MTBP: variants seen among roughly 807,000 people sequenced by gnomAD.
MTBP encodes MDM2 binding protein.
A neutral mutation model predicts 117.0 loss-of-function variants in MTBP; 101 were observed. That is an observed-to-expected ratio of 0.86 (90% confidence interval 0.73 to 1.02). MTBP has a LOEUF of 1.02. Among genes scored for constraint, MTBP ranks in the 50% least tolerant of loss-of-function variants. The pLI, the probability that MTBP is intolerant of heterozygous loss-of-function variation, is 0.00. For missense variants in MTBP, 970 were observed against 1,030.9 expected (o/e 0.94, Z 0.81); for synonymous variants, 350 against 351.5 (o/e 1.00, Z 0.05).
At position 120,509,941 on chromosome 8, in the gene MTBP, A is replaced by G; in HGVS notation, c.1891A>G (p.Thr631Ala). Residue 631 changes from threonine to alanine, a missense_variant, in exon 17 of 22, where the codon ACT (threonine) becomes GCT (alanine). By Grantham distance (58) the Thr-to-Ala change is moderately conservative. Transcript: ENST00000305949. ...AAAAATTTTTTGTTTCAGGGAAAAG[A>G]CTTTTGTTTTGACACCAGAACTTAG... is the stretch of plus-strand genomic sequence containing the variant. ...QPLPIQKGEKTFVLTPELSPG... is the reference protein window; with the variant it reads ...QPLPIQKGEKAFVLTPELSPG... 6.2e-7 allele frequency: 1 copy of G among 1,608,274 alleles called. No homozygotes were observed. The highest frequency in any genetic ancestry group is 8.5e-7 in the Non-Finnish European group (1 of 1,177,778).
In MTBP at chr8:120,506,800, A is replaced by C; in HGVS notation, c.1822A>C (p.Lys608Gln). 4 of 1,613,648 alleles carry C rather than the reference A, an allele frequency of 2.5e-6. No individual in the cohort carries two copies. The highest frequency in any genetic ancestry group is 3.4e-6 in the Non-Finnish European group (4 of 1,179,674). ...ATTGTTGGATGCTAAAGAATTGCTG[A>C]AGTACTTTACCTCAGATGGATTACC... The part of the protein sequence containing the change: ...ITLLDAKELL[K>Q]YFTSDGLPIG... The change falls in exon 16 of 22, where the codon AAG becomes CAG. Residue 608 changes from lysine (K) to glutamine (Q), a missense_variant. Transcript: ENST00000305949.
Position 120,518,743 on chromosome 8 carries a change from A to G in MTBP, c.2536A>G (p.Ser846Gly). The G allele has an allele frequency of 6.2e-7, 1 of 1,611,566 alleles. No homozygotes were observed. Among genetic ancestry groups the G allele is most frequent in the Non-Finnish European group, 8.5e-7 (1 of 1,178,434 alleles). ...AGTTACTGAAACCCTGAAGAAACAC[A>G]GTATTACCGAGACTCATGAATGTTT... The part of the protein sequence containing the change: ...EVVTETLKKH[S>G]ITETHECFTA... Residue 846 changes from serine to glycine, a missense_variant, in exon 20 of 22, where the codon AGT becomes GGT. Coordinates refer to ENST00000305949, the MANE Select transcript of MTBP (RefSeq NM_022045.5).
At chr8:120,498,965 A>G (rs1359965320) in intron 14 of MTBP, among the ~76,000 whole-genome samples, 1 of 152,204 alleles carries the variant, frequency 6.6e-6, no homozygotes, top group Admixed American at 6.5e-5. Flanking sequence ...TACAAAGGAT[A>G]CTTGACACAC....
chr8:120,455,679 A>G, intron 6 of MTBP, 100 bp downstream of exon 6: 1 of 1,141,960 alleles, frequency 8.8e-7, no homozygotes, highest in Admixed American at 2.2e-5. Context: ...AATTATTTTA[A>G]TATGACAACA....
In MTBP at chr8:120,498,964, T is replaced by C. The variant is rs376277728; in HGVS notation, c.1609+1410T>C. On this transcript the variant is annotated intron_variant, in intron 14 of 21. Transcript: ENST00000305949. Reference sequence around the variant, plus strand: ...ATCTTAGGGTTACCTGTACAAAGGATACTTGACACACTGAGCTGCAGGAGA... The same window carrying C: ...ATCTTAGGGTTACCTGTACAAAGGACACTTGACACACTGAGCTGCAGGAGA... Among the ~76,000 whole-genome samples, 213 of 152,294 alleles carry C rather than the reference T, an allele frequency of 1.4e-3. 3 individuals are homozygous for C. The highest frequency in any genetic ancestry group is 4.8e-3 in the African/African-American group (201 of 41,560).
At chr8:120,494,640 ACTTTCT>A (rs1448470226) in intron 13 of MTBP, among the ~76,000 whole-genome samples, 16 of 152,160 alleles carry the variant, frequency 1.1e-4, no homozygotes, top group African/African-American at 3.9e-4. Flanking sequence ...CATAATCCTC[ACTTTCT>A]CTTTCTGCTT....
intron 1 of MTBP, 37 bp downstream of exon 1, chr8:120,445,625 T>C: frequency 2.0e-6 from 3 of 1,520,418 alleles, no homozygotes; most frequent in South Asian, 2.3e-5. Context: ...GAACGGCTTG[T>C]GGAGAGGGGA....
At chr8:120,488,043 A>T in intron 11 of MTBP, 116 bp from the exon 12 acceptor site, 1 of 765,380 alleles carries the variant, frequency 1.3e-6, no homozygotes, top group Admixed American at 3.9e-5. Context: ...GAATGTATTA[A>T]CAGCTTGTTT....
At chr8:120,479,505 C>T (rs947297702) in intron 11 of MTBP, among the ~76,000 whole-genome samples, 1 of 152,282 alleles carries the variant, frequency 6.6e-6, no homozygotes, top group Non-Finnish European at 1.5e-5. Context: ...AACTTGACTA[C>T]CAACCTTTAT....
At chr8:120,451,916 T>C (rs1813366009) in intron 4 of MTBP, 1 of 152,248 alleles carries the variant, frequency 6.6e-6, no homozygotes, top group Non-Finnish European at 1.5e-5. Flanking sequence ...ATAGAAATGT[T>C]ATTTAATGTT....
chr8:120,488,652 T>C (rs2130580647), intron 12 of MTBP, among the ~76,000 whole-genome samples: 1 of 152,320 alleles, frequency 6.6e-6, no homozygotes, highest in African/African-American at 2.4e-5. Context: ...TTATATCGTC[T>C]GAAGCCACAT....
chr8:120,523,619 C>G lies in MTBP; in HGVS notation c.*283C>G, dbSNP rs1384554299. 5.6e-6 allele frequency: 1 copy of G among 177,878 alleles called. No homozygotes were observed. Among genetic ancestry groups the G allele is most frequent in the Non-Finnish European group, 1.2e-5 (1 of 85,318 alleles). 11.0% of individuals were successfully genotyped at this position (177,878 alleles called of 1,614,324 possible). A position where few individuals can be genotyped will look rare whatever the true frequency, so the allele number is the denominator to read the frequency against. On this transcript the variant is annotated 3_prime_UTR_variant, in exon 22 of 22. Transcript: ENST00000305949. ...ACTCTTATTTAATTATTACAATAAACAGAATTTTTTTTTTTTACTTTTTGG... is the reference window on the plus strand; with the variant it reads ...ACTCTTATTTAATTATTACAATAAAGAGAATTTTTTTTTTTTACTTTTTGG...
At chr8:120,469,739 C>T (rs904478388) in intron 10 of MTBP, among the ~76,000 whole-genome samples, 4 of 152,202 alleles carry the variant, frequency 2.6e-5, no homozygotes, top group East Asian at 3.9e-4. Context: ...AAACATAAAG[C>T]GAGAAATGCT....
rs141112864 is a variant in MTBP at position 120,506,938 on chromosome 8, T to C, written c.1883+77T>C. 1.2e-4 allele frequency: 146 copies of C among 1,267,368 alleles called. 1 individual carries two copies. Among genetic ancestry groups the C allele is most frequent in the Non-Finnish European group, 2.9e-5 (27 of 930,702 alleles). 78.5% of individuals were successfully genotyped at this position (1,267,368 alleles called of 1,614,324 possible). Reference sequence around the variant, plus strand: ...ATAAAATTGTGTCTCATTTCCTTATTAATTGATGTCCTATGCTACTCAGGG... The same window carrying C: ...ATAAAATTGTGTCTCATTTCCTTATCAATTGATGTCCTATGCTACTCAGGG... On this transcript the variant is annotated intron_variant, in intron 16 of 21. Coordinates refer to ENST00000305949, the MANE Select transcript of MTBP (RefSeq NM_022045.5).
At chr8:120,447,313 T>C (rs77675358) in intron 2 of MTBP, among the ~76,000 whole-genome samples, 2,878 of 152,166 alleles carry the variant, frequency 0.019, 94 homozygotes, top group African/African-American at 0.066. Flanking sequence ...AATAACACCA[T>C]TGGGGAATGA....
chr8:120,459,782 T>C (rs1813545897), intron 8 of MTBP, among the ~76,000 whole-genome samples: 1 of 152,166 alleles, frequency 6.6e-6, no homozygotes, highest in South Asian at 2.1e-4. Flanking sequence ...AGTAACACAC[T>C]TATCTTACAA....
chr8:120,445,420 T>A lies in MTBP; in HGVS notation c.-51T>A. Reference sequence around the variant, plus strand: ...CCGGAAATGCGTCATAGCGCGCGTCTGTTTGGATGTGGAAGCCGAGACCTA... The same window carrying A: ...CCGGAAATGCGTCATAGCGCGCGTCAGTTTGGATGTGGAAGCCGAGACCTA... On this transcript the variant is annotated 5_prime_UTR_variant, in exon 1 of 22. Coordinates refer to ENST00000305949, the MANE Select transcript of MTBP (RefSeq NM_022045.5). 1 of 1,487,358 alleles carries A rather than the reference T, an allele frequency of 6.7e-7. No homozygotes were observed. Among genetic ancestry groups the A allele is most frequent in the Non-Finnish European group, 9.3e-7 (1 of 1,070,524 alleles). 92.1% of individuals were successfully genotyped at this position (1,487,358 alleles called of 1,614,324 possible).
At chr8:120,497,696 G>A (rs1814499285) in intron 14 of MTBP, 142 bp downstream of exon 14, 1 of 569,396 alleles carries the variant, frequency 1.8e-6, no homozygotes, top group East Asian at 3.1e-5. Flanking sequence ...ATAGATACAA[G>A]TATGTATGTA....
intron 11 of MTBP, among the ~76,000 whole-genome samples, chr8:120,477,131 G>C (rs1586951582): frequency 1.3e-5 from 2 of 152,280 alleles, no homozygotes; most frequent in South Asian, 4.1e-4. Flanking sequence ...TGACAAACCT[G>C]ACAGAAACAA....
Sources: gnomAD v4.1 joint callset for allele counts (sites outside exome capture counted in the v4.1 genomes callset) on GRCh38, gnomAD v4.1.1 for gene constraint, MANE v1.5 for transcripts, NCBI Gene and HGNC (gene_info 2026-07-23, HGNC 2026-07-21) for gene names.